Variants in FIGN observed in about 807,000 individuals in gnomAD.
FIGN encodes fidgetin.
A neutral mutation model predicts 51.3 loss-of-function variants in FIGN; 11 were observed. That is an observed-to-expected ratio of 0.21 (90% CI 0.13 to 0.35). The LOEUF (loss-of-function observed/expected upper bound fraction) is 0.35. Among genes scored for constraint, FIGN ranks in the 10% least tolerant of loss-of-function variants. The probability of loss-of-function intolerance (pLI) is 1.00; values close to 1 mark genes in which losing one functional copy is unlikely to be tolerated. For synonymous variants in FIGN, 407 were observed against 363.2 expected, an observed-to-expected ratio of 1.12 and a Z score of -1.37; for missense variants, 857 against 943.6, an observed-to-expected ratio of 0.91 and a Z score of 1.20.
chr2:163,634,384 GA>G (rs1461520391), intron 2 of FIGN, among the ~76,000 whole-genome samples: 15 of 151,844 alleles, frequency 9.9e-5, no homozygotes, highest in Admixed American at 9.2e-4. Context: ...AACTTTATAG[GA>G]GTAACTTAGA....
chr2:163,631,054 C>T (rs1683138094), intron 2 of FIGN, among the ~76,000 whole-genome samples: 1 of 152,096 alleles, frequency 6.6e-6, no homozygotes, highest in African/African-American at 2.4e-5. Context: ...GAGTTGAGCT[C>T]TTAACGGCAG....
chr2:163,626,046 C>T (rs534930761), intron 2 of FIGN, among the ~76,000 whole-genome samples: 11 of 152,228 alleles, frequency 7.2e-5, no homozygotes, highest in African/African-American at 1.9e-4. Context: ...ACAAGCTTCA[C>T]GACTCCTAAT....
chr2:163,651,760 T>C (rs1683480969), intron 2 of FIGN, among the ~76,000 whole-genome samples: 1 of 152,220 alleles, frequency 6.6e-6, no homozygotes, highest in Non-Finnish European at 1.5e-5. Flanking sequence ...GTTTAGGAGA[T>C]AAAAGACTTT....
At chr2:163,669,574 T>G (rs1016036796) in intron 2 of FIGN, among the ~76,000 whole-genome samples, 1 of 152,066 alleles carries the variant, frequency 6.6e-6, no homozygotes, top group Non-Finnish European at 1.5e-5. Flanking sequence ...AAGGAAACCA[T>G]TTAAAAATCT....
intron 2 of FIGN, among the ~76,000 whole-genome samples, chr2:163,712,972 C>A (rs1684611198): frequency 6.6e-6 from 1 of 152,044 alleles, no homozygotes; most frequent in African/African-American, 2.4e-5. Flanking sequence ...CAGACAAACA[C>A]CTAATAAACG....
intron 2 of FIGN, among the ~76,000 whole-genome samples, chr2:163,623,671 AC>A (rs548908124): frequency 4.1e-4 from 63 of 152,264 alleles, no homozygotes; most frequent in African/African-American, 1.4e-3. Context: ...TTTTAAAAGC[AC>A]CAGAATGCCT....
At chr2:163,672,992 G>A (rs1683901957) in intron 2 of FIGN, among the ~76,000 whole-genome samples, 1 of 152,124 alleles carries the variant, frequency 6.6e-6, no homozygotes, top group African/African-American at 2.4e-5. Context: ...TTACATTATT[G>A]ATGTATCTTT....
chr2:163,613,382 C>T (rs776907861), intron 2 of FIGN, among the ~76,000 whole-genome samples: 6 of 152,096 alleles, frequency 3.9e-5, no homozygotes, highest in Non-Finnish European at 5.9e-5. Flanking sequence ...GCATCAACCC[C>T]CTTCTGAATT....
At position 163,700,454 on chromosome 2, in the gene FIGN, C is replaced by T. The variant is rs535367233; in HGVS notation, c.25+34449G>A. Among the ~76,000 whole-genome samples, 130 of 152,150 alleles carry T rather than the reference C, an allele frequency of 8.5e-4. No homozygotes were observed. In the Middle Eastern group the frequency reaches 0.01, roughly 12 times the overall value. On this transcript the variant is annotated intron_variant, in intron 2 of 2. Coordinates refer to ENST00000333129, the MANE Select transcript of FIGN (RefSeq NM_018086.4). ...TAGGATAACAAGAAGCAGGATTTGTCGCAGAATGGCGACAGTGAGAACTCA... is the reference window on the plus strand; with the variant it reads ...TAGGATAACAAGAAGCAGGATTTGTTGCAGAATGGCGACAGTGAGAACTCA...
intron 2 of FIGN, among the ~76,000 whole-genome samples, chr2:163,673,568 T>C (rs1334385702): frequency 6.6e-6 from 1 of 152,160 alleles, no homozygotes; most frequent in South Asian, 2.1e-4. Flanking sequence ...AATACCTTCA[T>C]TTAATTGACT....
At chr2:163,634,089 C>CGTGT (rs66956230) in intron 2 of FIGN, among the ~76,000 whole-genome samples, 69,412 of 145,026 alleles carry the variant, frequency 0.48, 17,692 homozygotes, top group South Asian at 0.59. Context: ...CGTATGTATG[C>CGTGT]GTGTGTGTGT....
At chr2:163,681,727 AAAGT>A (rs1201562917) in intron 2 of FIGN, among the ~76,000 whole-genome samples, 3 of 152,072 alleles carry the variant, frequency 2.0e-5, no homozygotes, top group South Asian at 2.1e-4. Flanking sequence ...GAAGTTCATC[AAAGT>A]AAGTTTCCAA....
rs75986641 is a variant in FIGN, at chr2:163,684,743, C to T, written c.25+50160G>A. ...TACTTTTATTAGAGCTATGAAAATGCGTATTTTCATTATTGAACTGTCAGT... is the reference window on the plus strand; with the variant it reads ...TACTTTTATTAGAGCTATGAAAATGTGTATTTTCATTATTGAACTGTCAGT... On this transcript the variant is annotated intron_variant, in intron 2 of 2. Coordinates refer to ENST00000333129, the MANE Select transcript of FIGN (RefSeq NM_018086.4). 1.4e-3 allele frequency among the ~76,000 whole-genome samples: 220 copies of T among 152,100 alleles called. 1 individual carries two copies. Among genetic ancestry groups the T allele is most frequent in the African/African-American group, 4.7e-3 (196 of 41,496 alleles).
intron 2 of FIGN, among the ~76,000 whole-genome samples, chr2:163,669,075 C>A (rs1175585554): frequency 6.8e-6 from 1 of 146,568 alleles, no homozygotes; most frequent in African/African-American, 2.6e-5. Flanking sequence ...AGATATTCAT[C>A]CTGCTGTAAG....
chr2:163,724,198 G>A (rs987707629), intron 2 of FIGN, among the ~76,000 whole-genome samples: 1 of 152,156 alleles, frequency 6.6e-6, no homozygotes, highest in African/African-American at 2.4e-5. Context: ...GGCTTCTGCT[G>A]ACACTGTCCT....
chr2:163,650,353 CATAA>C (rs981946838), intron 2 of FIGN, among the ~76,000 whole-genome samples: 5 of 151,504 alleles, frequency 3.3e-5, no homozygotes, highest in African/African-American at 1.2e-4. Context: ...ATACTATACA[CATAA>C]ATATATATAG....
chr2:163,609,503 T>C lies in FIGN; in HGVS notation c.*49A>G. On this transcript the variant is annotated 3_prime_UTR_variant, in exon 3 of 3. Coordinates refer to ENST00000333129, the MANE Select transcript of FIGN (RefSeq NM_018086.4). ...GCTCTATTCCCTATGTAGCAGGTTT[T>C]ATGTGTGTGTGCCAACATTCATTAC... 1 of 1,519,050 alleles carries C rather than the reference T, an allele frequency of 6.6e-7. No individual in the cohort carries two copies. Among genetic ancestry groups the C allele is most frequent in the African/African-American group, 1.4e-5 (1 of 72,890 alleles). 94.1% of individuals were successfully genotyped at this position (1,519,050 alleles called of 1,614,324 possible).
At chr2:163,735,349 G>A (rs954863809) in intron 1 of FIGN, among the ~76,000 whole-genome samples, 2 of 152,010 alleles carry the variant, frequency 1.3e-5, no homozygotes, top group African/African-American at 4.8e-5. Context: ...ACATTTTTCT[G>A]CAACCGATCT....
chr2:163,703,958 C>T (rs982377907), intron 2 of FIGN, among the ~76,000 whole-genome samples: 5 of 152,024 alleles, frequency 3.3e-5, no homozygotes, highest in South Asian at 2.1e-4. Context: ...TTCCTAATAC[C>T]GCTAGCCCAG....
Sources: allele counts gnomAD v4.1 joint callset (sites outside exome capture counted in the v4.1 genomes callset), GRCh38; gene constraint gnomAD v4.1.1; transcripts MANE v1.5; gene names NCBI Gene and HGNC (gene_info 2026-07-23, HGNC 2026-07-21).